The following SPAG17 variants were observed in gnomAD, a reference collection of about 807,000 sequenced individuals.
The protein encoded by SPAG17 is sperm-associated antigen 17.
Under a neutral mutation model 273.6 loss-of-function variants are expected in SPAG17, and 169 were observed. The ratio of observed to expected loss-of-function variants is 0.62; its 90% CI spans 0.55 to 0.70. SPAG17 has a LOEUF of 0.70. Among genes scored for constraint, SPAG17 ranks in the 30% least tolerant of loss-of-function variants. The pLI, the probability that SPAG17 is intolerant of heterozygous loss-of-function variation, is 0.00. For missense variants in SPAG17, 2,557 were observed against 2,627.8 expected, an observed-to-expected ratio of 0.97 and a Z score of 0.59; for synonymous variants, 825 against 873.2, an observed-to-expected ratio of 0.94 and a Z score of 0.97.
intron 3 of SPAG17, among the ~76,000 whole-genome samples, chr1:118,145,791 T>C (rs1313805906): frequency 6.6e-6 from 1 of 152,192 alleles, no homozygotes; most frequent in Non-Finnish European, 1.5e-5. Flanking sequence ...GTTCAAGTTC[T>C]TTATTGTACA....
Position 118,054,063 on chromosome 1 carries a change from G to C in SPAG17, c.2753C>G (p.Ser918Ter). The C allele has an allele frequency of 6.2e-7, 1 of 1,606,472 alleles. No homozygotes were observed. Among genetic ancestry groups the C allele is most frequent in the Non-Finnish European group, 8.5e-7 (1 of 1,176,044 alleles). The stretch of plus-strand genomic sequence containing the variant: ...CTTCTCTTTTTCTTTTTCTTGATCT[G>C]ATATCTCTGTTTTGCTGATTCCTTT... ...SNKGISKTEI[S>*]DQEKEKEKEK... Residue 918 changes from serine (S) to a stop codon, truncating the protein, a stop_gained, in exon 20 of 49, where the codon TCA becomes TGA. Coordinates refer to ENST00000336338, the MANE Select transcript of SPAG17 (RefSeq NM_206996.4). LOFTEE classifies it high-confidence loss of function.
intron 1 of SPAG17, among the ~76,000 whole-genome samples, chr1:118,184,376 T>C (rs1476610215): frequency 6.6e-6 from 1 of 152,158 alleles, no homozygotes; most frequent in African/African-American, 2.4e-5. Flanking sequence ...CCTCATTTAC[T>C]GAAGCTGGGT....
chr1:118,065,306 G>A (rs747228437), intron 18 of SPAG17, among the ~76,000 whole-genome samples: 9 of 152,008 alleles, frequency 5.9e-5, no homozygotes, highest in East Asian at 1.9e-4. Flanking sequence ...GATAGAAGTC[G>A]TGTCAGTAAT....
intron 32 of SPAG17, among the ~76,000 whole-genome samples, chr1:118,001,892 CT>C (rs2101714222): frequency 6.6e-6 from 1 of 152,180 alleles, no homozygotes; most frequent in South Asian, 2.1e-4. Flanking sequence ...TCTTGTTTTT[CT>C]AGTTCTTTTA....
intron 43 of SPAG17, among the ~76,000 whole-genome samples, chr1:117,978,248 T>A (rs1489732589): frequency 6.6e-6 from 1 of 152,160 alleles, no homozygotes; most frequent in Non-Finnish European, 1.5e-5. Context: ...TCCTTTGCAA[T>A]CAGACAGGAA....
intron 15 of SPAG17, among the ~76,000 whole-genome samples, chr1:118,077,141 G>T (rs1654167907): frequency 6.6e-6 from 1 of 152,120 alleles, no homozygotes; most frequent in South Asian, 2.1e-4. Context: ...TTTTTGCCTT[G>T]TTTAAAGAGA....
chr1:117,992,349 T>C, intron 36 of SPAG17, 117 bp downstream of exon 36: 1 of 938,022 alleles, frequency 1.1e-6, no homozygotes, highest in Admixed American at 2.8e-5. Flanking sequence ...CTGACATCCT[T>C]GTGTTGCACT....
At chr1:117,959,577 T>C (rs1652755628) in intron 48 of SPAG17, 1 of 1,040,320 alleles carries the variant, frequency 9.6e-7, no homozygotes, top group Non-Finnish European at 1.3e-6. Flanking sequence ...GATATCAGGA[T>C]GTGGTTTCCA....
chr1:118,113,177 A>G (rs1010530836), intron 4 of SPAG17, among the ~76,000 whole-genome samples: 1 of 151,940 alleles, frequency 6.6e-6, no homozygotes, highest in African/African-American at 2.4e-5. Flanking sequence ...CATTTGAAAG[A>G]CAACATCTAC....
At chr1:117,962,317 A>G (rs1200877594) in intron 48 of SPAG17, 2 of 152,212 alleles carry the variant, frequency 1.3e-5, no homozygotes, top group Non-Finnish European at 2.9e-5. Flanking sequence ...AGTAAATTTT[A>G]AGCCAGGCAA....
chr1:118,115,991 G>C (rs1657054272), intron 3 of SPAG17, among the ~76,000 whole-genome samples: 1 of 152,140 alleles, frequency 6.6e-6, no homozygotes, highest in Non-Finnish European at 1.5e-5. Flanking sequence ...ACTTAATGTT[G>C]ATCATGTTGG....
intron 48 of SPAG17, chr1:117,955,404 T>C: frequency 6.4e-7 from 1 of 1,556,206 alleles, no homozygotes; most frequent in Non-Finnish European, 8.9e-7. Context: ...TCAGCAAACA[T>C]TTATGAAGTG....
chr1:118,162,485 G>T (rs12142157), intron 1 of SPAG17, among the ~76,000 whole-genome samples: 7,142 of 152,236 alleles, frequency 0.047, 348 homozygotes, highest in East Asian at 0.25. Context: ...TAGGCATAAG[G>T]CATAATCACT....
Position 118,090,585 on chromosome 1 carries a change from T to C in SPAG17, c.1359+1021A>G, listed in dbSNP as rs770262931. ...AATAAATCCAAAGAAAGTAGAAAGA[T>C]GGAAATGACAGAGATGAGCCAGACA... On this transcript the variant is annotated intron_variant, in intron 10 of 48. Transcript: ENST00000336338. Among the ~76,000 whole-genome samples, 4 of 152,178 alleles carry C rather than the reference T, an allele frequency of 2.6e-5. No homozygotes were observed. The East Asian group carries it at 7.7e-4, about 29-fold the overall frequency.
chr1:117,969,763 A>G (rs1451248248), intron 46 of SPAG17, among the ~76,000 whole-genome samples: 2 of 152,216 alleles, frequency 1.3e-5, no homozygotes, highest in Non-Finnish European at 2.9e-5. Flanking sequence ...ACAATGGTAA[A>G]TAACTGTAAT....
chr1:118,068,780 G>C (rs948279645), intron 17 of SPAG17, among the ~76,000 whole-genome samples: 2 of 152,118 alleles, frequency 1.3e-5, no homozygotes, highest in African/African-American at 4.8e-5. Context: ...ATATGATAAA[G>C]ATTTTTTTGT....
chr1:117,965,150 CTT>C (rs1210038794), intron 47 of SPAG17: 1 of 152,096 alleles, frequency 6.6e-6, no homozygotes, highest in Non-Finnish European at 1.5e-5. Flanking sequence ...CATTCTTTAC[CTT>C]TTGCAATTTA....
intron 12 of SPAG17, 113 bp downstream of exon 12, chr1:118,086,558 C>T (rs1655011164): frequency 1.1e-6 from 1 of 888,884 alleles, no homozygotes; most frequent in Non-Finnish European, 1.8e-6. Flanking sequence ...CTATTTTGTA[C>T]ATTACATTTT....
intron 28 of SPAG17, 42 bp from the exon 29 acceptor site, chr1:118,016,224 T>G (rs771726478): frequency 1.4e-6 from 2 of 1,441,224 alleles, no homozygotes; most frequent in African/African-American, 2.8e-5. Flanking sequence ...AATATAACTA[T>G]AGTATCAATT....
Sources: gnomAD v4.1 joint callset for allele counts (sites outside exome capture counted in the v4.1 genomes callset) on GRCh38, gnomAD v4.1.1 for gene constraint, MANE v1.5 for transcripts, NCBI Gene and HGNC (gene_info 2026-07-23, HGNC 2026-07-21) for gene names.